SLC30A9: variants seen among roughly 807,000 people sequenced by gnomAD.
SLC30A9 encodes solute carrier family 30 member 9, also known as proton-coupled zinc antiporter SLC30A9, mitochondrial.
A neutral mutation model predicts 87.5 loss-of-function variants in SLC30A9; 58 were observed. The observed-to-expected ratio is 0.66, with a 90% confidence interval of 0.54 to 0.82. SLC30A9 has a LOEUF of 0.82. Ranked by LOEUF, SLC30A9 falls within the 40% of genes least tolerant of loss-of-function variation. SLC30A9 has a pLI of 0.00. For missense variants in SLC30A9, 557 were observed against 679.1 expected (o/e 0.82, Z 2.00); for synonymous variants, 234 against 233.0 (o/e 1.00, Z -0.04).
intron 2 of SLC30A9, among the ~76,000 whole-genome samples, chr4:42,002,256 A>G (rs1715017441): frequency 6.6e-6 from 1 of 150,916 alleles, no homozygotes; most frequent in Admixed American, 6.6e-5. Context: ...TTCAGTCATT[A>G]TTTTTTGTTT....
chr4:42,016,814 TATCTATC>T (rs1715742644), intron 2 of SLC30A9, among the ~76,000 whole-genome samples: 1 of 152,078 alleles, frequency 6.6e-6, no homozygotes, highest in Non-Finnish European at 1.5e-5. Context: ...TCTATCTATC[TATCTATC>T]TATCTATCTG....
At chr4:42,032,610 A>T (rs1366761656) in intron 6 of SLC30A9, among the ~76,000 whole-genome samples, 1 of 152,176 alleles carries the variant, frequency 6.6e-6, no homozygotes, top group African/African-American at 2.4e-5. Context: ...TCTTGAGAGT[A>T]TAGGAGTTCA....
At chr4:42,081,808 A>C (rs1316753327) in intron 17 of SLC30A9, among the ~76,000 whole-genome samples, 1 of 152,244 alleles carries the variant, frequency 6.6e-6, no homozygotes, top group Non-Finnish European at 1.5e-5. Context: ...CTAACTTTGT[A>C]CTTTAACTAG....
intron 9 of SLC30A9, among the ~76,000 whole-genome samples, chr4:42,053,033 T>A (rs149349632): frequency 6.7e-6 from 1 of 148,820 alleles, no homozygotes; most frequent in Non-Finnish European, 1.5e-5. Flanking sequence ...TGAGAACCAG[T>A]TTTTTCCCCC....
intron 2 of SLC30A9, among the ~76,000 whole-genome samples, chr4:42,014,112 A>G (rs1048853415): frequency 2.6e-5 from 4 of 152,216 alleles, no homozygotes; most frequent in African/African-American, 4.8e-5. Flanking sequence ...CAAGTGGCAA[A>G]AAAAGGTGTA....
At chr4:41,990,826 G>A in intron 1 of SLC30A9, 66 bp downstream of exon 1, 1 of 1,195,134 alleles carries the variant, frequency 8.4e-7, no homozygotes, top group Non-Finnish European at 1.2e-6. Flanking sequence ...TGGGCTCGGC[G>A]CCTCGCCTGG....
At chr4:42,072,810 T>TC (rs1180531191) in intron 15 of SLC30A9, among the ~76,000 whole-genome samples, 1 of 121,420 alleles carries the variant, frequency 8.2e-6, no homozygotes, top group African/African-American at 2.6e-5. Flanking sequence ...TATTGTTCTA[T>TC]CCTTTTTTTT....
Position 42,060,247 on chromosome 4 carries a change from G to T in SLC30A9, c.896+1G>T. On this transcript the variant is annotated splice_donor_variant, in intron 10 of 17. Coordinates refer to ENST00000264451, the MANE Select transcript of SLC30A9 (RefSeq NM_006345.4). LOFTEE classifies it high-confidence loss of function. ...TTCAAACACCAGATCCTTCTCATCC[G>T]TAAGGACATTGCCTTATTTTGTTTT... 6.2e-7 allele frequency: 1 copy of T among 1,607,492 alleles called. No individual in the cohort carries two copies. The highest frequency in any genetic ancestry group is 1.1e-5 in the South Asian group (1 of 90,920).
chr4:42,075,777 A>C lies in SLC30A9; in HGVS notation c.1539A>C (p.Gln513His). 6.2e-7 allele frequency: 1 copy of C among 1,610,568 alleles called. No individual in the cohort carries two copies. Among genetic ancestry groups the C allele is most frequent in the Non-Finnish European group, 8.5e-7 (1 of 1,177,384 alleles). Residue 513 changes from glutamine to histidine, a missense_variant, in exon 16 of 18, where the codon CAA becomes CAC. Physicochemically the swap from Gln to His is conservative, Grantham distance 24. Around this residue, in one of 2 missense-constraint regions of SLC30A9, gnomAD observed 90 missense variants for 149.4 expected, o/e 0.60. Coordinates refer to ENST00000264451, the MANE Select transcript of SLC30A9 (RefSeq NM_006345.4). The stretch of plus-strand genomic sequence containing the variant: ...ATTTGGAAAAACAAGATTTTGACCA[A>C]ATGTTACAAGTAAGTTTATTTGTTG... ...RSYLEKQDFD[Q>H]MLQEIQEVKT...
rs1010773924 is a variant in SLC30A9, at chr4:42,087,815, C to T, written c.*1689C>T. ...CTTTTTTCTTCTTCCTTCCCCTTTC[C>T]CACTTGCCATTTATTACTTCATGTC... On this transcript the variant is annotated 3_prime_UTR_variant, in exon 18 of 18. Transcript: ENST00000264451. 2.0e-5 allele frequency: 3 copies of T among 151,370 alleles called. No homozygotes were observed. The highest frequency in any genetic ancestry group is 7.3e-5 in the African/African-American group (3 of 41,268). 9.4% of individuals were successfully genotyped at this position (151,370 alleles called of 1,614,324 possible). A position where few individuals can be genotyped will look rare whatever the true frequency, so the allele number is the denominator to read the frequency against.
At chr4:42,013,349 T>G (rs1715531712) in intron 2 of SLC30A9, among the ~76,000 whole-genome samples, 1 of 152,124 alleles carries the variant, frequency 6.6e-6, no homozygotes, top group Non-Finnish European at 1.5e-5. Flanking sequence ...TAACATTTAT[T>G]TTTCGTCTTA....
At chr4:42,083,930 C>T (rs766578777) in intron 17 of SLC30A9, among the ~76,000 whole-genome samples, 3 of 152,126 alleles carry the variant, frequency 2.0e-5, no homozygotes, top group South Asian at 2.1e-4. Context: ...CACACCTGAG[C>T]GACACTAGTT....
chr4:42,068,243 C>A (rs1322713671), intron 14 of SLC30A9, among the ~76,000 whole-genome samples: 5 of 91,944 alleles, frequency 5.4e-5, no homozygotes, highest in Non-Finnish European at 8.2e-5. Flanking sequence ...AGGAACTTAA[C>A]TCTTTTTTTT....
At chr4:42,061,619 C>T (rs1005494840) in intron 10 of SLC30A9, among the ~76,000 whole-genome samples, 6 of 152,192 alleles carry the variant, frequency 3.9e-5, no homozygotes, top group African/African-American at 7.2e-5. Context: ...TGTTGAAAGC[C>T]GGGTGCAGTG....
At chr4:42,053,969 G>C (rs1447242610) in intron 9 of SLC30A9, among the ~76,000 whole-genome samples, 2 of 152,150 alleles carry the variant, frequency 1.3e-5, no homozygotes, top group Non-Finnish European at 2.9e-5. Context: ...GGAGGAAAGA[G>C]GCACAGGGAG....
chr4:42,028,421 G>A (rs188141354), intron 6 of SLC30A9, among the ~76,000 whole-genome samples: 6 of 152,282 alleles, frequency 3.9e-5, no homozygotes, highest in East Asian at 3.9e-4. Context: ...GCCCAGCCAC[G>A]TGAGAATATT....
At chr4:42,053,730 G>A (rs1200982969) in intron 9 of SLC30A9, among the ~76,000 whole-genome samples, 3 of 127,806 alleles carry the variant, frequency 2.3e-5, no homozygotes, top group African/African-American at 6.9e-5. Context: ...AAAAAGGAAT[G>A]TTATAGCAGC....
At chr4:42,063,200 G>T (rs1306736070) in intron 11 of SLC30A9, 79 bp downstream of exon 11, 3 of 1,296,274 alleles carry the variant, frequency 2.3e-6, no homozygotes, top group African/African-American at 3.0e-5. Flanking sequence ...TTGTCATATT[G>T]GTGTTAAAGG....
intron 12 of SLC30A9, among the ~76,000 whole-genome samples, chr4:42,065,818 A>C (rs1400732246): frequency 6.6e-6 from 1 of 152,256 alleles, no homozygotes; most frequent in Non-Finnish European, 1.5e-5. Flanking sequence ...TTGCCGATTC[A>C]CTAAAAATTG....
Sources: gnomAD v4.1 joint callset for allele counts (sites outside exome capture counted in the v4.1 genomes callset) on GRCh38, gnomAD v4.1.1 for gene constraint, gnomAD v4.1.1 regional missense constraint, MANE v1.5 for transcripts, NCBI Gene and HGNC (gene_info 2026-07-23, HGNC 2026-07-21) for gene names.